Variants in RABL6 observed in about 807,000 individuals in gnomAD.
The protein encoded by RABL6 is rab-like protein 6.
A neutral mutation model predicts 72.9 loss-of-function variants in RABL6; 28 were observed. The ratio of observed to expected loss-of-function variants is 0.38; its 90% CI spans 0.28 to 0.53. The LOEUF is 0.53. RABL6 is among the 20% of genes least tolerant of loss of function. The pLI, the probability that RABL6 is intolerant of heterozygous loss-of-function variation, is 0.80. For synonymous variants in RABL6, 477 were observed against 421.2 expected (o/e 1.13, Z -1.62); for missense variants, 1,029 against 1,008.4 (o/e 1.02, Z -0.28).
chr9:136,825,030 C>T (rs1022411451), intron 2 of RABL6, among the ~76,000 whole-genome samples: 1 of 152,152 alleles, frequency 6.6e-6, no homozygotes, highest in African/African-American at 2.4e-5. Context: ...CTTGGGTGGG[C>T]GGGAGGCTCC....
chr9:136,822,841 C>T (rs1406620999), intron 1 of RABL6, among the ~76,000 whole-genome samples: 1 of 152,232 alleles, frequency 6.6e-6, no homozygotes, highest in East Asian at 1.9e-4. Context: ...GTAATCCCAG[C>T]ACTTTGGGAG....
In RABL6 at chr9:136,839,339, GC is replaced by G. The variant is rs997625666; in HGVS notation, c.1616del (p.Pro539LeufsTer60). ...TGPEKRSSTRPPAEMEPGKGE... is the reference protein window; with the variant it reads ...TGPEKRSSTRXPAEMEPGKGE... ...GTCCGGAGAAGCGCAGCAGCACCAG[GC>G]CCCCTGCTGAGATGGAGCCGGGGAA... On this transcript the variant is annotated frameshift_variant, in exon 12 of 15. Transcript: ENST00000311502. LOFTEE classifies it high-confidence loss of function. The G allele has an allele frequency of 6.2e-7, 1 of 1,612,590 alleles. No individual in the cohort carries two copies. Among genetic ancestry groups the G allele is most frequent in the Non-Finnish European group, 8.5e-7 (1 of 1,179,802 alleles).
intron 1 of RABL6, among the ~76,000 whole-genome samples, chr9:136,817,836 T>A: frequency 6.6e-6 from 1 of 151,494 alleles, no homozygotes; most frequent in East Asian, 1.9e-4. Flanking sequence ...CTGAGGCAGG[T>A]GGATCACTTG....
chr9:136,812,554 G>A (rs2811723), intron 1 of RABL6, among the ~76,000 whole-genome samples: 119,886 of 151,868 alleles, frequency 0.79, 47,354 homozygotes, highest in East Asian at 0.86. Context: ...GTGAGACTTC[G>A]TCTTAAAAAA....
rs138810350 is a variant in RABL6, at chr9:136,813,296, T to C, written c.130+4970T>C. ...GAACTGTAAGTGCATGCACACCCTT[T>C]AGATTTGCCATTTTGGTTCTGGGGC... On this transcript the variant is annotated intron_variant, in intron 1 of 14. Transcript: ENST00000311502. 155 of 620,498 alleles carry C rather than the reference T, an allele frequency of 2.5e-4. No individual in the cohort carries two copies. In the African/African-American group the frequency reaches 2.6e-3, roughly 11 times the overall value. 38.4% of individuals were successfully genotyped at this position (620,498 alleles called of 1,614,324 possible).
At chr9:136,819,437 G>A (rs1848194504) in intron 1 of RABL6, among the ~76,000 whole-genome samples, 1 of 152,116 alleles carries the variant, frequency 6.6e-6, no homozygotes. Context: ...AAAATAACAT[G>A]GCAGCAGCAG....
chr9:136,813,769 C>A, intron 1 of RABL6: 1 of 198,156 alleles, frequency 5.0e-6, no homozygotes, highest in South Asian at 7.6e-5. Flanking sequence ...GCACCCGTCA[C>A]CACACCCAGC....
chr9:136,832,857 G>A (rs1564369423), intron 7 of RABL6: 6 of 316,074 alleles, frequency 1.9e-5, no homozygotes, highest in Admixed American at 1.4e-4. Flanking sequence ...TTTGGCCTAC[G>A]GACTAAACTC....
rs1848348832 is a variant in RABL6, at chr9:136,826,028, CTGCTTTAG to C, written c.313+203_313+210del. On this transcript the variant is annotated intron_variant, in intron 3 of 14. Coordinates refer to ENST00000311502, the MANE Select transcript of RABL6 (RefSeq NM_024718.5). The surrounding 1 kb of genome is among the most constrained non-coding windows in gnomAD (Gnocchi z 4.9). ...CCCTCCTGTGGCACTGCATGCTTTG[CTGCTTTAG>C]CATACTCCCCGTCTCTGAGTGACCG... Among the ~76,000 whole-genome samples the C allele has an allele frequency of 2.0e-5, 3 of 152,214 alleles. No homozygotes were observed. Among genetic ancestry groups the C allele is most frequent in the African/African-American group, 7.2e-5 (3 of 41,456 alleles).
chr9:136,839,719 C>G lies in RABL6; in HGVS notation c.1784C>G (p.Pro595Arg). Reference sequence around the variant, plus strand: ...GATGACTTTCCCGTGCGAGATGACCCCTCCGATGTGACTGACGAGGATGAG... The same window carrying G: ...GATGACTTTCCCGTGCGAGATGACCGCTCCGATGTGACTGACGAGGATGAG... ...RADDFPVRDD[P>R]SDVTDEDEGP... Residue 595 changes from proline to arginine, a missense_variant, in exon 13 of 15, where the codon CCC becomes CGC. Around this residue, in one of 2 missense-constraint regions of RABL6, gnomAD observed 595 missense variants for 472.4 expected, o/e 1.26. Transcript: ENST00000311502. 1 of 1,603,288 alleles carries G rather than the reference C, an allele frequency of 6.2e-7. No individual in the cohort carries two copies. The highest frequency in any genetic ancestry group is 1.1e-5 in the South Asian group (1 of 89,778).
At position 136,839,008 on chromosome 9, in the gene RABL6, C is replaced by T. The variant is rs772099647; in HGVS notation, c.1380C>T (p.Gly460=). ...QPRGSPPLPA[G]PVPSQDITLS... is the part of the protein sequence containing the mutation. The stretch of plus-strand genomic sequence containing the variant: ...GTGGGAGTCCCCCGCTGCCTGCAGG[C>T]CCCGTCCCCAGTCAAGACATCACTC... The change falls in exon 11 of 15, where the codon GGC becomes GGT. Residue 460 remains glycine, a synonymous_variant. Coordinates refer to ENST00000311502, the MANE Select transcript of RABL6 (RefSeq NM_024718.5). 3.1e-5 allele frequency: 50 copies of T among 1,612,170 alleles called. No homozygotes were observed. The highest frequency in any genetic ancestry group is 3.9e-5 in the Non-Finnish European group (46 of 1,179,708).
At chr9:136,809,710 T>A (rs1057419557) in intron 1 of RABL6, 1 of 153,896 alleles carries the variant, frequency 6.5e-6, no homozygotes, top group East Asian at 1.9e-4. Context: ...CAAAGAAGAT[T>A]TTGATGAAGT....
chr9:136,840,055 T>TG (rs1422629144), intron 13 of RABL6, 99 bp from the exon 14 acceptor site: 4 of 1,560,894 alleles, frequency 2.6e-6, no homozygotes, highest in Non-Finnish European at 3.5e-6. Context: ...CCTGGAGGGC[T>TG]GGGGCTCGCT....
intron 9 of RABL6, 34 bp from the exon 10 acceptor site, chr9:136,837,828 C>T (rs1423616343): frequency 1.3e-6 from 2 of 1,544,446 alleles, no homozygotes; most frequent in Non-Finnish European, 8.7e-7. Flanking sequence ...GGTTCTGGTG[C>T]CGAGTGAAGA....
At chr9:136,821,202 G>C (rs1454539419) in intron 1 of RABL6, 2 of 480,946 alleles carry the variant, frequency 4.2e-6, no homozygotes, top group Non-Finnish European at 5.4e-6. Context: ...GAAGGAAGTG[G>C]GTTCTGTCCC....
rs566624771 is a variant in RABL6, at chr9:136,830,738, CG to C, written c.459-980del. The stretch of plus-strand genomic sequence containing the variant: ...CCTGGGCTGCCGTGCGAGGAGTGGG[CG>C]GGAGTGACAGCGAGACTTGAGCCAG... On this transcript the variant is annotated intron_variant, in intron 5 of 14. Transcript: ENST00000311502. Among the ~76,000 whole-genome samples, 18 of 152,350 alleles carry C rather than the reference CG, an allele frequency of 1.2e-4. No homozygotes were observed. In the East Asian group the frequency reaches 3.5e-3, roughly 29 times the overall value.
chr9:136,808,398 G>T, intron 1 of RABL6, 72 bp downstream of exon 1: 1 of 1,363,974 alleles, frequency 7.3e-7, no homozygotes, highest in Non-Finnish European at 9.5e-7. Flanking sequence ...GGCGCCGCGC[G>T]GTGGTGGGTG....
intron 4 of RABL6, 111 bp downstream of exon 4, chr9:136,828,657 C>T: frequency 8.6e-7 from 1 of 1,158,088 alleles, no homozygotes; most frequent in South Asian, 1.4e-5. Flanking sequence ...TATGCTGTGG[C>T]CACGGGGGCC....
chr9:136,840,700 A>C lies in RABL6; in HGVS notation c.*178A>C. On this transcript the variant is annotated 3_prime_UTR_variant, in exon 15 of 15. Transcript: ENST00000311502. ...TGGGCCCTGCAGGTGCTGGGCCTTC[A>C]GGCCCAGTGTGAGCCTGCTCTGCAA... 19 of 1,548,842 alleles carry C rather than the reference A, an allele frequency of 1.2e-5. No individual in the cohort carries two copies. Among genetic ancestry groups the C allele is most frequent in the Non-Finnish European group, 1.6e-5 (18 of 1,146,824 alleles).
Sources: allele counts gnomAD v4.1 joint callset (sites outside exome capture counted in the v4.1 genomes callset), GRCh38; gene constraint gnomAD v4.1.1; regional missense constraint gnomAD v4.1.1; non-coding constraint Gnocchi (gnomAD v3.1); transcripts MANE v1.5; gene names NCBI Gene and HGNC (gene_info 2026-07-23, HGNC 2026-07-21).